The following GLG1 variants were observed in gnomAD, a reference collection of about 807,000 sequenced individuals.
GLG1 encodes the protein Golgi apparatus protein 1.
Under a neutral mutation model 160.5 loss-of-function variants are expected in GLG1, and 38 were observed. The ratio of observed to expected loss-of-function variants is 0.24; its 90% confidence interval spans 0.18 to 0.31. The LOEUF is 0.31. GLG1 is among the 10% of genes least tolerant of loss of function. GLG1 has a pLI of 1.00. For missense variants in GLG1, 1,373 were observed against 1,505.2 expected (o/e 0.91, Z 1.45); for synonymous variants, 644 against 543.4 (o/e 1.19, Z -2.57).
rs1291473564 is a variant in GLG1, at chr16:74,451,276, A to G, written c.*1891T>C. On this transcript the variant is annotated 3_prime_UTR_variant, in exon 26 of 26. Coordinates refer to ENST00000422840, the MANE Select transcript of GLG1 (RefSeq NM_001145667.2). ...CCCAGACAGCTGTTGACAATCAGGA[A>G]GACCCTACAAGCAGGACCGAGGGGA... is the stretch of plus-strand genomic sequence containing the variant. The G allele has an allele frequency of 6.6e-6, 1 of 152,248 alleles. No homozygotes were observed. Among genetic ancestry groups the G allele is most frequent in the Non-Finnish European group, 1.5e-5 (1 of 68,072 alleles). 9.4% of individuals were successfully genotyped at this position (152,248 alleles called of 1,614,324 possible). A position where few individuals can be genotyped will look rare whatever the true frequency, so the allele number is the denominator to read the frequency against.
intron 1 of GLG1, among the ~76,000 whole-genome samples, chr16:74,581,294 T>C (rs577457005): frequency 2.6e-5 from 4 of 152,226 alleles, no homozygotes; most frequent in Non-Finnish European, 5.9e-5. Context: ...ATACGTATAA[T>C]GGAATGTTAT....
chr16:74,486,488 A>G (rs2015789722), intron 8 of GLG1, among the ~76,000 whole-genome samples: 1 of 152,214 alleles, frequency 6.6e-6, no homozygotes, highest in South Asian at 2.1e-4. Flanking sequence ...CTATTTTTCT[A>G]TAACCAAGAG....
At chr16:74,555,839 T>C (rs2018336308) in intron 1 of GLG1, among the ~76,000 whole-genome samples, 2 of 150,556 alleles carry the variant, frequency 1.3e-5, no homozygotes, top group Admixed American at 1.3e-4. Flanking sequence ...CTTTTTTTTT[T>C]TCTTTTTCTT....
In GLG1 at chr16:74,493,086, T is replaced by G; in HGVS notation, c.1105A>C (p.Ser369Arg). ...TTACAGGATTTGGCCAATGAATAACTGACTTTATAATCCTGGGCAATCAGC... is the reference window on the plus strand; with the variant it reads ...TTACAGGATTTGGCCAATGAATAACGGACTTTATAATCCTGGGCAATCAGC... Reference protein sequence around the residue: ...QKLIAQDYKVSYSLAKSCKSD... With the variant: ...QKLIAQDYKVRYSLAKSCKSD... Residue 369 changes from serine (S) to arginine (R), a missense_variant, in exon 7 of 26, where the codon AGT (serine) becomes CGT (arginine). Physicochemically the swap from Ser to Arg is moderately radical, Grantham distance 110. Coordinates refer to ENST00000422840, the MANE Select transcript of GLG1 (RefSeq NM_001145667.2). 1 of 1,613,838 alleles carries G rather than the reference T, an allele frequency of 6.2e-7. No individual in the cohort carries two copies. The highest frequency in any genetic ancestry group is 8.5e-7 in the Non-Finnish European group (1 of 1,179,726).
At chr16:74,540,514 A>G (rs1220811324) in intron 1 of GLG1, among the ~76,000 whole-genome samples, 2 of 151,616 alleles carry the variant, frequency 1.3e-5, no homozygotes, top group Non-Finnish European at 2.9e-5. Context: ...CTTTTCATCA[A>G]ATTCCCATCT....
chr16:74,499,518 T>C (rs1175186203), intron 4 of GLG1, among the ~76,000 whole-genome samples: 1 of 152,206 alleles, frequency 6.6e-6, no homozygotes, highest in African/African-American at 2.4e-5. Context: ...CCACATGCTG[T>C]ACAGGTTTGT....
intron 20 of GLG1, 122 bp downstream of exon 20, chr16:74,463,234 C>A: frequency 1.1e-6 from 1 of 928,310 alleles, no homozygotes. Context: ...TGCTTACACT[C>A]AGACTCCTCC....
At chr16:74,511,649 T>A (rs746944104) in intron 2 of GLG1, among the ~76,000 whole-genome samples, 3 of 149,266 alleles carry the variant, frequency 2.0e-5, no homozygotes, top group Admixed American at 2.0e-4. Flanking sequence ...ATCACAAAAA[T>A]TTAGGACAAA....
chr16:74,527,273 G>C, intron 2 of GLG1, among the ~76,000 whole-genome samples: 1 of 101,188 alleles, frequency 9.9e-6, no homozygotes, highest in East Asian at 2.6e-4. Flanking sequence ...TTTTGAGATG[G>C]AGTTTTGCTC....
chr16:74,543,657 T>C (rs2017966222), intron 1 of GLG1, among the ~76,000 whole-genome samples: 1 of 152,136 alleles, frequency 6.6e-6, no homozygotes, highest in Admixed American at 6.5e-5. Flanking sequence ...TATATTATAG[T>C]TTGGGAAATA....
chr16:74,607,104 G>A lies in GLG1; in HGVS notation c.-10C>T. ...GTCCACACGCCGCCATCTTGAGTCC[G>A]CGGCGAGCTCGACGCACTCGCCGGC... On this transcript the variant is annotated 5_prime_UTR_variant, in exon 1 of 26. Transcript: ENST00000422840. 6.6e-7 allele frequency: 1 copy of A among 1,519,466 alleles called. No homozygotes were observed. Among genetic ancestry groups the A allele is most frequent in the South Asian group, 1.2e-5 (1 of 82,742 alleles). The allele number at this position is 1,519,466 out of a possible 1,614,324, so 94.1% of individuals were successfully genotyped here.
intron 19 of GLG1, among the ~76,000 whole-genome samples, chr16:74,465,371 A>G (rs2014961953): frequency 6.6e-6 from 1 of 152,214 alleles, no homozygotes; most frequent in Admixed American, 6.5e-5. Context: ...TTGCACATCC[A>G]TTTACTTGTG....
At chr16:74,555,028 A>C (rs1329169575) in intron 1 of GLG1, among the ~76,000 whole-genome samples, 1 of 152,236 alleles carries the variant, frequency 6.6e-6, no homozygotes, top group Admixed American at 6.5e-5. Flanking sequence ...AAATAAATAA[A>C]TAATAAAAAC....
chr16:74,554,017 G>A (rs1342891075), intron 1 of GLG1, among the ~76,000 whole-genome samples: 2 of 152,160 alleles, frequency 1.3e-5, no homozygotes, highest in Non-Finnish European at 2.9e-5. Context: ...CAACCAAAGC[G>A]TAAGCTTTCA....
chr16:74,589,621 C>G (rs560088923), intron 1 of GLG1, among the ~76,000 whole-genome samples: 5 of 152,124 alleles, frequency 3.3e-5, no homozygotes, highest in Admixed American at 1.3e-4. Context: ...GGAGCCAGTG[C>G]GAAGCAGAGG....
At chr16:74,526,953 C>A (rs143201852) in intron 2 of GLG1, among the ~76,000 whole-genome samples, 10 of 152,226 alleles carry the variant, frequency 6.6e-5, no homozygotes, top group Non-Finnish European at 1.0e-4. Context: ...TGTCTCAGGG[C>A]ATAATCTGTG....
intron 1 of GLG1, among the ~76,000 whole-genome samples, chr16:74,602,479 G>A (rs1379410682): frequency 6.6e-6 from 1 of 152,140 alleles, no homozygotes; most frequent in Non-Finnish European, 1.5e-5. Flanking sequence ...TCCCAACCCT[G>A]TGCCCTAAAA....
intron 1 of GLG1, among the ~76,000 whole-genome samples, chr16:74,544,226 C>A (rs536536594): frequency 2.4e-3 from 362 of 152,344 alleles, no homozygotes; most frequent in African/African-American, 8.2e-3. Context: ...CTATGCAGCA[C>A]AAATTTTGGA....
At chr16:74,525,804 C>G (rs1449000450) in intron 2 of GLG1, among the ~76,000 whole-genome samples, 1 of 150,590 alleles carries the variant, frequency 6.6e-6, no homozygotes, top group South Asian at 2.1e-4. Context: ...ATTGTATAGG[C>G]TGCCATTCAA....
Sources: gnomAD v4.1 joint callset for allele counts (sites outside exome capture counted in the v4.1 genomes callset) on GRCh38, gnomAD v4.1.1 for gene constraint, MANE v1.5 for transcripts, NCBI Gene and HGNC (gene_info 2026-07-23, HGNC 2026-07-21) for gene names.